SYTL2: variants seen among roughly 807,000 people sequenced by gnomAD.
The protein encoded by SYTL2 is synaptotagmin-like protein 2.
Under a neutral mutation model 198.7 loss-of-function variants are expected in SYTL2, and 165 were observed. The ratio of observed to expected loss-of-function variants is 0.83; its 90% CI spans 0.73 to 0.94. The LOEUF (loss-of-function observed/expected upper bound fraction) is 0.94. Ranked by LOEUF, SYTL2 falls within the 40% of genes least tolerant of loss-of-function variation. The pLI, the probability that SYTL2 is intolerant of heterozygous loss-of-function variation, is 0.00. For missense variants in SYTL2, 2,835 were observed against 2,582.8 expected (o/e 1.10, Z -2.12); for synonymous variants, 966 against 917.7 (o/e 1.05, Z -0.95).
intron 1 of SYTL2, among the ~76,000 whole-genome samples, chr11:85,791,280 T>A (rs1268402557): frequency 6.6e-6 from 1 of 150,536 alleles, no homozygotes; most frequent in African/African-American, 2.4e-5. Flanking sequence ...ACTTTTAACT[T>A]AAAAATATAC....
chr11:85,725,472 G>A lies in SYTL2; in HGVS notation c.3886C>T (p.Gln1296Ter). ...TCTGCAGCCATCTGAATCAAATTCT[G>A]TGTGCTTAGCTGGCACTCACCACTT... ...AESGECQLST[Q>*]NLIQMAAEDS... is the part of the protein sequence containing the mutation. The change falls in exon 8 of 20, where the codon CAG becomes TAG. Residue 1296 changes from glutamine to a stop codon, truncating the protein, a stop_gained. Transcript: ENST00000359152. LOFTEE classifies it high-confidence loss of function. 1 of 1,614,048 alleles carries A rather than the reference G, an allele frequency of 6.2e-7. No homozygotes were observed. The highest frequency in any genetic ancestry group is 8.5e-7 in the Non-Finnish European group (1 of 1,179,948).
At chr11:85,837,515 A>G in the SYTL2 span, among the ~76,000 whole-genome samples, 6 of 152,186 alleles carry the variant, frequency 3.9e-5, no homozygotes, top group Non-Finnish European at 8.8e-5. Context: ...GTATTTTGTT[A>G]TGGCTGCCCT....
the SYTL2 span, among the ~76,000 whole-genome samples, chr11:85,831,891 A>G: frequency 6.8e-6 from 1 of 147,728 alleles, no homozygotes; most frequent in South Asian, 2.1e-4. Flanking sequence ...ACAACTTAAT[A>G]AATTTTGACA....
chr11:85,719,120 C>T lies in SYTL2; in HGVS notation c.5429-277G>A, dbSNP rs2087855523. The T allele has an allele frequency of 6.2e-6, 9 of 1,460,126 alleles. No individual in the cohort carries two copies. In the South Asian group the frequency reaches 1.1e-4, roughly 18 times the overall value. 90.4% of individuals were successfully genotyped at this position (1,460,126 alleles called of 1,614,324 possible). ...GGTTAGTTCAGAGCAAGCAATCGGC[C>T]AGCAGCAGGAGAAAGCACGGGGCTG... On this transcript the variant is annotated intron_variant, in intron 9 of 19. Transcript: ENST00000359152.
rs1376812108 is a variant in SYTL2, at chr11:85,803,095, C to T, written c.-390+7859G>A. ...GCACCTCAAAATCATCTGCTATAACCATCAGATGGCAAGGTGTTGCTAGGA... is the reference window on the plus strand; with the variant it reads ...GCACCTCAAAATCATCTGCTATAACTATCAGATGGCAAGGTGTTGCTAGGA... On this transcript the variant is annotated intron_variant, in intron 1 of 19. Transcript: ENST00000359152. Among the ~76,000 whole-genome samples the T allele has an allele frequency of 3.9e-5, 6 of 152,298 alleles. No individual in the cohort carries two copies. In the East Asian group the frequency reaches 1.2e-3, roughly 29 times the overall value.
chr11:85,820,830 G>A, the SYTL2 span, among the ~76,000 whole-genome samples: 1 of 152,092 alleles, frequency 6.6e-6, no homozygotes, highest in Non-Finnish European at 1.5e-5. Flanking sequence ...TTAAGATTTG[G>A]GCACTTTACT....
At chr11:85,813,304 G>A (rs1265407613), upstream of SYTL2, among the ~76,000 whole-genome samples, 6 of 149,766 alleles carry the variant, frequency 4.0e-5, no homozygotes, top group East Asian at 7.8e-4. Flanking sequence ...CTGTGCTTCA[G>A]TTTGCTCATT....
At chr11:85,842,845 C>T in the SYTL2 span, among the ~76,000 whole-genome samples, 437 of 152,346 alleles carry the variant, frequency 2.9e-3, 5 homozygotes, top group Admixed American at 0.017. Flanking sequence ...CATCAGTCAA[C>T]TCAGGAAAGA....
chr11:85,746,027 G>C (rs2091133507), intron 3 of SYTL2, among the ~76,000 whole-genome samples: 1 of 152,146 alleles, frequency 6.6e-6, no homozygotes, highest in East Asian at 1.9e-4. Context: ...TAACTCCAGA[G>C]ACCATTAAAG....
At chr11:85,719,174 G>T in intron 9 of SYTL2, 3 of 1,320,754 alleles carry the variant, frequency 2.3e-6, no homozygotes, top group Non-Finnish European at 2.9e-6. Context: ...TCTGTAAAGG[G>T]TATGATGCTA....
rs2088194906 is a variant in SYTL2, at chr11:85,720,860, G to A, written c.5426C>T (p.Ser1809Leu). The stretch of plus-strand genomic sequence containing the variant: ...AGTGAGGCGAACTTTATTCTCACTT[G>A]ATGAATCTGATGAAATGTCTTCTAG... ...KSLEDISSDS[S>L]NQAKVDNQPE... Residue 1809 changes from serine to leucine, a missense_variant and splice_region_variant, in exon 9 of 20, where the codon TCA (serine) becomes TTA (leucine). Around this residue, in one of 3 missense-constraint regions of SYTL2, gnomAD observed 2,645 missense variants for 2,381.7 expected, o/e 1.11. Coordinates refer to ENST00000359152, the MANE Select transcript of SYTL2 (RefSeq NM_206927.4). 6.2e-7 allele frequency: 1 copy of A among 1,607,992 alleles called. No individual in the cohort carries two copies. The highest frequency in any genetic ancestry group is 8.5e-7 in the Non-Finnish European group (1 of 1,174,412).
intron 1 of SYTL2, among the ~76,000 whole-genome samples, chr11:85,797,396 G>A (rs761068386): frequency 1.6e-4 from 25 of 152,174 alleles, no homozygotes; most frequent in Non-Finnish European, 2.9e-4. Context: ...GGGAGGCTGA[G>A]GTGGGAGGAT....
At chr11:85,736,421 A>G in intron 6 of SYTL2, 80 bp downstream of exon 6, 1 of 720,642 alleles carries the variant, frequency 1.4e-6, no homozygotes, top group Non-Finnish European at 2.3e-6. Flanking sequence ...AAGTTATTTG[A>G]GCAAAAGGAA....
In SYTL2 at chr11:85,734,614, T is replaced by C. The variant is rs778707464; in HGVS notation, c.715A>G (p.Arg239Gly). The C allele has an allele frequency of 2.5e-6, 4 of 1,614,194 alleles. No homozygotes were observed. The Admixed American group carries it at 6.7e-5, about 27-fold the overall frequency. The change falls in exon 7 of 20, where the codon AGG (arginine) becomes GGG (glycine). Residue 239 changes from arginine (R) to glycine (G), a missense_variant. By Grantham distance (125) the Arg-to-Gly change is moderately radical. Around this residue, in one of 3 missense-constraint regions of SYTL2, gnomAD observed 2,645 missense variants for 2,381.7 expected, o/e 1.11. Coordinates refer to ENST00000359152, the MANE Select transcript of SYTL2 (RefSeq NM_206927.4). ...SQIKAPIPKARKMIYKSTDLN... is the reference protein window; with the variant it reads ...SQIKAPIPKAGKMIYKSTDLN... ...TCAGTTGATTTGTAGATCATCTTCC[T>C]GGCTTTGGGGATTGGAGCCTTGATT...
At chr11:85,854,544 T>C in the SYTL2 span, 6 of 152,158 alleles carry the variant, frequency 3.9e-5, no homozygotes, top group African/African-American at 7.2e-5. Context: ...CAAGGACTTA[T>C]ACAGCAGGAA....
intron 1 of SYTL2, among the ~76,000 whole-genome samples, chr11:85,790,691 T>C (rs2092715438): frequency 6.6e-6 from 1 of 152,184 alleles, no homozygotes; most frequent in Non-Finnish European, 1.5e-5. Context: ...AACTTGAAGA[T>C]TCTCGCTTGT....
Position 85,734,159 on chromosome 11 carries a change from A to T in SYTL2, c.1170T>A (p.Pro390=). The T allele has an allele frequency of 6.2e-7, 1 of 1,614,140 alleles. No homozygotes were observed. Among genetic ancestry groups the T allele is most frequent in the African/African-American group, 1.3e-5 (1 of 75,056 alleles). The change falls in exon 7 of 20, where the codon CCT becomes CCA. Residue 390 remains proline (P), a synonymous_variant. Transcript: ENST00000359152. ...TTGAGGTTGATTGATGAAAAAGCGA[A>T]GGCTTTCTGTATTGAGAAGGCTTAG... The part of the protein sequence containing the change: ...SDPKPSQYRK[P]SLFHQSTSSP...
intron 2 of SYTL2, among the ~76,000 whole-genome samples, chr11:85,750,983 G>C (rs1388871696): frequency 6.6e-6 from 1 of 152,038 alleles, no homozygotes; most frequent in African/African-American, 2.4e-5. Context: ...GGGGATTCTT[G>C]TGCAACCCTT....
At chr11:85,776,862 A>G (rs1185977696) in intron 1 of SYTL2, among the ~76,000 whole-genome samples, 1 of 152,174 alleles carries the variant, frequency 6.6e-6, no homozygotes, top group African/African-American at 2.4e-5. Context: ...AGCTTCGGGT[A>G]TTTCTTTATA....
Sources: allele counts gnomAD v4.1 joint callset (sites outside exome capture counted in the v4.1 genomes callset), GRCh38; gene constraint gnomAD v4.1.1; regional missense constraint gnomAD v4.1.1; transcripts MANE v1.5; gene names NCBI Gene and HGNC (gene_info 2026-07-23, HGNC 2026-07-21).